Variants in PEX14 observed in about 807,000 individuals in gnomAD.
The protein encoded by PEX14 is peroxisomal biogenesis factor 14.
Under a neutral mutation model 49.5 loss-of-function variants are expected in PEX14, and 15 were observed. The observed-to-expected ratio is 0.30, with a 90% CI of 0.20 to 0.47. PEX14 has a LOEUF of 0.47. Among genes scored for constraint, PEX14 ranks in the 20% least tolerant of loss-of-function variants. PEX14 has a pLI of 1.00. For missense variants in PEX14, 398 were observed against 494.8 expected, an observed-to-expected ratio of 0.80 and a Z score of 1.86; for synonymous variants, 210 against 212.7, an observed-to-expected ratio of 0.99 and a Z score of 0.11.
chr1:10,580,113 A>G (rs1640269347), intron 3 of PEX14, among the ~76,000 whole-genome samples: 1 of 152,190 alleles, frequency 6.6e-6, no homozygotes, highest in Admixed American at 6.5e-5. Context: ...TCAGTTGACT[A>G]AAGCAATAAC....
intron 1 of PEX14, among the ~76,000 whole-genome samples, chr1:10,480,493 A>C (rs1641265425): frequency 6.8e-6 from 1 of 147,844 alleles, no homozygotes; most frequent in Non-Finnish European, 1.5e-5. Flanking sequence ...TCCTGGGTTC[A>C]AGCGATTCTC....
chr1:10,485,746 A>T (rs1641356198), intron 1 of PEX14, among the ~76,000 whole-genome samples: 1 of 149,550 alleles, frequency 6.7e-6, no homozygotes, highest in Admixed American at 6.7e-5. Context: ...TTGTTAACTT[A>T]TAATTCTAGT....
chr1:10,475,139 C>A, intron 1 of PEX14, 137 bp downstream of exon 1: 2 of 791,320 alleles, frequency 2.5e-6, no homozygotes, highest in Non-Finnish European at 4.3e-6. Context: ...TCCTGAGCCC[C>A]GCCCCTCCCC....
chr1:10,477,964 C>T (rs1214550396), intron 1 of PEX14, among the ~76,000 whole-genome samples: 2 of 152,178 alleles, frequency 1.3e-5, no homozygotes, highest in Admixed American at 6.5e-5. Context: ...TCTCGGCTTA[C>T]TGCAACCTCC....
intron 3 of PEX14, 77 bp from the exon 4 acceptor site, chr1:10,599,161 T>G: frequency 6.8e-7 from 1 of 1,471,282 alleles, no homozygotes; most frequent in Non-Finnish European, 9.5e-7. Context: ...TAAAGGTCTT[T>G]GCTCAGTGAA....
intron 4 of PEX14, among the ~76,000 whole-genome samples, chr1:10,602,989 A>C (rs1641030158): frequency 6.6e-6 from 1 of 152,182 alleles, no homozygotes; most frequent in African/African-American, 2.4e-5. Context: ...CTCAGGTCTC[A>C]GGGTAGGGTA....
intron 4 of PEX14, among the ~76,000 whole-genome samples, chr1:10,600,013 A>G (rs1368245011): frequency 6.6e-6 from 1 of 152,252 alleles, no homozygotes; most frequent in Non-Finnish European, 1.5e-5. Context: ...TTATAAATGC[A>G]TACCTCCAAA....
At chr1:10,596,098 G>C (rs181083698) in intron 3 of PEX14, among the ~76,000 whole-genome samples, 3 of 152,338 alleles carry the variant, frequency 2.0e-5, no homozygotes, top group East Asian at 3.9e-4. Flanking sequence ...ACAGCACCAA[G>C]AGCCAATGAC....
chr1:10,619,664 G>A (rs905705164), intron 5 of PEX14, among the ~76,000 whole-genome samples: 2 of 152,130 alleles, frequency 1.3e-5, no homozygotes, highest in Non-Finnish European at 2.9e-5. Context: ...ACTCGCCATG[G>A]TCACTCTTAG....
chr1:10,581,583 C>T (rs1413532529), intron 3 of PEX14, among the ~76,000 whole-genome samples: 2 of 151,788 alleles, frequency 1.3e-5, no homozygotes, highest in African/African-American at 2.4e-5. Flanking sequence ...GGATTACAGG[C>T]GTGAGCCACC....
chr1:10,518,354 C>T (rs1371023580), intron 2 of PEX14, among the ~76,000 whole-genome samples: 1 of 152,152 alleles, frequency 6.6e-6, no homozygotes, highest in Non-Finnish European at 1.5e-5. Flanking sequence ...AACAGCTACA[C>T]ACGGCTGATG....
intron 3 of PEX14, among the ~76,000 whole-genome samples, chr1:10,556,965 G>A (rs1234911101): frequency 1.3e-5 from 2 of 152,114 alleles, no homozygotes; most frequent in Non-Finnish European, 2.9e-5. Context: ...TTTGCCTTTT[G>A]GCCTCTCTTG....
intron 2 of PEX14, among the ~76,000 whole-genome samples, chr1:10,499,610 A>G (rs1285323984): frequency 6.6e-6 from 1 of 151,680 alleles, no homozygotes; most frequent in Non-Finnish European, 1.5e-5. Context: ...CGCCATGCCC[A>G]GCTAATTTTT....
chr1:10,550,029 G>A (rs563648120), intron 3 of PEX14, among the ~76,000 whole-genome samples: 1 of 152,300 alleles, frequency 6.6e-6, no homozygotes, highest in South Asian at 2.1e-4. Flanking sequence ...CCCTGGGAGT[G>A]AGGATGTAAT....
At chr1:10,531,245 G>A (rs900488457) in intron 2 of PEX14, among the ~76,000 whole-genome samples, 6 of 152,294 alleles carry the variant, frequency 3.9e-5, no homozygotes, top group East Asian at 3.9e-4. Flanking sequence ...TAGCATCAGC[G>A]TTCTACGATG....
chr1:10,485,043 T>TC (rs1395642197), intron 1 of PEX14, among the ~76,000 whole-genome samples: 1 of 151,788 alleles, frequency 6.6e-6, no homozygotes, highest in East Asian at 1.9e-4. Context: ...GGGGCATGGA[T>TC]ACCAGGAGGT....
rs764644564 is a variant in PEX14, at chr1:10,495,232, G to A, written c.37-42G>A. On this transcript the variant is annotated intron_variant, in intron 1 of 8. Transcript: ENST00000356607. The surrounding 1 kb of genome is among the most constrained non-coding windows in gnomAD (Gnocchi z 4.2). ...TCTTTGGTTTTTTGATGTCCATTGG[G>A]TGGCACTGTGATCTTATTTTTGTTT... is the stretch of plus-strand genomic sequence containing the variant. 1.9e-6 allele frequency: 3 copies of A among 1,600,738 alleles called. No homozygotes were observed. The South Asian group carries it at 3.3e-5, about 18-fold the overall frequency.
intron 2 of PEX14, among the ~76,000 whole-genome samples, chr1:10,524,221 C>T (rs965496000): frequency 6.6e-6 from 1 of 152,120 alleles, no homozygotes; most frequent in Non-Finnish European, 1.5e-5. Context: ...AGAGAAAGGA[C>T]AGTGAGCAGA....
Position 10,495,466 on chromosome 1 carries a change from C to T in PEX14, c.84+145C>T, listed in dbSNP as rs1388361266. ...TAGAGACTGCCTCTGTCAGTGACCT[C>T]TGACTTCTCTTCTCGCGTGTGGGGA... On this transcript the variant is annotated intron_variant, in intron 2 of 8. Transcript: ENST00000356607. This position sits in a 1 kb window ranked among gnomAD's most constrained non-coding sequence, Gnocchi z 4.2. 1 of 714,100 alleles carries T rather than the reference C, an allele frequency of 1.4e-6. No homozygotes were observed. The highest frequency in any genetic ancestry group is 2.5e-6 in the Non-Finnish European group (1 of 397,606). 44.2% of individuals were successfully genotyped at this position (714,100 alleles called of 1,614,324 possible).
Sources: allele counts gnomAD v4.1 joint callset (sites outside exome capture counted in the v4.1 genomes callset), GRCh38; gene constraint gnomAD v4.1.1; non-coding constraint Gnocchi (gnomAD v3.1); transcripts MANE v1.5; gene names NCBI Gene and HGNC (gene_info 2026-07-23, HGNC 2026-07-21).